Variants in TACR3 observed in about 807,000 individuals in gnomAD.
TACR3 encodes the protein tachykinin receptor 3, also known as neuromedin-K receptor.
TACR3 carries 34 observed loss-of-function variants against 35.0 expected under a neutral mutation model. That is an observed-to-expected ratio of 0.97 (90% CI 0.74 to 1.30). The LOEUF is 1.30. Among genes scored for constraint, TACR3 ranks in the 50% most tolerant of loss-of-function variants. The pLI, the probability that TACR3 is intolerant of heterozygous loss-of-function variation, is 0.00. For synonymous variants in TACR3, 233 were observed against 221.1 expected (o/e 1.05, Z -0.48); for missense variants, 558 against 591.7 (o/e 0.94, Z 0.59).
At chr4:103,642,234 T>C (rs1272755839) in intron 3 of TACR3, among the ~76,000 whole-genome samples, 1 of 150,802 alleles carries the variant, frequency 6.6e-6, no homozygotes, top group Non-Finnish European at 1.5e-5. Context: ...ATAATCACAT[T>C]GTATATATAT....
chr4:103,705,371 T>C (rs1173798941), intron 1 of TACR3, among the ~76,000 whole-genome samples: 3 of 152,122 alleles, frequency 2.0e-5, no homozygotes, highest in Non-Finnish European at 4.4e-5. Flanking sequence ...TTTTCATTCA[T>C]TTATTTACTT....
chr4:103,627,381 G>C (rs1724919663), intron 3 of TACR3, among the ~76,000 whole-genome samples: 1 of 142,760 alleles, frequency 7.0e-6, no homozygotes, highest in African/African-American at 2.7e-5. Flanking sequence ...AAAAAAAGCT[G>C]GGCATGGTGG....
At chr4:103,685,328 T>C (rs75775242) in intron 1 of TACR3, among the ~76,000 whole-genome samples, 115 of 152,270 alleles carry the variant, frequency 7.6e-4, no homozygotes, top group Middle Eastern at 3.4e-3. Flanking sequence ...ATATTTTACA[T>C]TGAGTTCAAG....
intron 3 of TACR3, among the ~76,000 whole-genome samples, chr4:103,616,863 G>C (rs919007901): frequency 4.6e-5 from 7 of 152,126 alleles, no homozygotes; most frequent in Admixed American, 4.6e-4. Flanking sequence ...TGGGCATGTC[G>C]ATTAAGCCCA....
chr4:103,645,246 T>C (rs546963905), intron 3 of TACR3, among the ~76,000 whole-genome samples: 2 of 152,016 alleles, frequency 1.3e-5, no homozygotes, highest in African/African-American at 2.4e-5. Flanking sequence ...AGGAAGACAA[T>C]TGGTAAGCAG....
intron 3 of TACR3, among the ~76,000 whole-genome samples, chr4:103,632,065 C>T (rs1156851303): frequency 1.3e-5 from 2 of 151,934 alleles, no homozygotes; most frequent in Non-Finnish European, 2.9e-5. Context: ...GTGAATACTC[C>T]AAATATTCAC....
intron 3 of TACR3, among the ~76,000 whole-genome samples, chr4:103,628,425 G>C (rs993106492): frequency 2.0e-5 from 3 of 151,976 alleles, no homozygotes; most frequent in African/African-American, 7.3e-5. Context: ...GAAGAAAAGG[G>C]AGAGGAATCA....
intron 3 of TACR3, among the ~76,000 whole-genome samples, chr4:103,608,026 A>G (rs1193184147): frequency 2.0e-5 from 3 of 152,132 alleles, no homozygotes; most frequent in African/African-American, 7.2e-5. Flanking sequence ...ATCTAAATGG[A>G]AAGGTTTAAA....
At chr4:103,624,068 G>A (rs765458332) in intron 3 of TACR3, among the ~76,000 whole-genome samples, 3 of 152,032 alleles carry the variant, frequency 2.0e-5, no homozygotes, top group African/African-American at 4.8e-5. Context: ...ATACTTGATT[G>A]TCTGCCTTTT....
At chr4:103,669,330 G>A (rs1425072322) in intron 1 of TACR3, among the ~76,000 whole-genome samples, 1 of 152,136 alleles carries the variant, frequency 6.6e-6, no homozygotes, top group Non-Finnish European at 1.5e-5. Context: ...TGGGATTGCA[G>A]ATATTCCTTC....
rs745808753 is a variant in TACR3, at chr4:103,719,715, C to A, written c.-40G>T. The stretch of plus-strand genomic sequence containing the variant: ...AGTCCCGGACCCTCCCACTCACCCA[C>A]GGGCAGCCCAAGACGAGACTCCTCT... On this transcript the variant is annotated 5_prime_UTR_variant, in exon 1 of 5. Transcript: ENST00000304883. The A allele has an allele frequency of 6.9e-6, 11 of 1,601,862 alleles. No individual in the cohort carries two copies. The South Asian group carries it at 8.8e-5, about 13-fold the overall frequency.
chr4:103,596,060 T>TG (rs1171218779), intron 3 of TACR3, among the ~76,000 whole-genome samples: 5 of 151,292 alleles, frequency 3.3e-5, no homozygotes, highest in East Asian at 3.9e-4. Flanking sequence ...TTCATCCATG[T>TG]CCCTACAAAG....
At chr4:103,703,613 C>A (rs2110225397) in intron 1 of TACR3, among the ~76,000 whole-genome samples, 1 of 152,122 alleles carries the variant, frequency 6.6e-6, no homozygotes, top group East Asian at 1.9e-4. Context: ...CTGCAAACCC[C>A]AGTTGTCTAA....
rs1360385646 is a variant in TACR3, at chr4:103,586,182, T to C, written c.*3500A>G. ...TACTTTATTCACTACAAACTTTATA[T>C]ACATTTACTTCTTATATAAACAGAT... On this transcript the variant is annotated 3_prime_UTR_variant, in exon 5 of 5. Transcript: ENST00000304883. 1 of 151,950 alleles carries C rather than the reference T, an allele frequency of 6.6e-6. No homozygotes were observed. The highest frequency in any genetic ancestry group is 2.4e-5 in the African/African-American group (1 of 41,396). 9.4% of individuals were successfully genotyped at this position (151,950 alleles called of 1,614,324 possible). A position where few individuals can be genotyped will look rare whatever the true frequency, so the allele number is the denominator to read the frequency against.
chr4:103,682,671 C>A (rs1333878287), intron 1 of TACR3, among the ~76,000 whole-genome samples: 1 of 152,052 alleles, frequency 6.6e-6, no homozygotes, highest in Non-Finnish European at 1.5e-5. Context: ...TCACATCCTG[C>A]AAAAACAGTT....
chr4:103,636,691 C>T lies in TACR3; in HGVS notation c.888+19503G>A, dbSNP rs546799507. Among the ~76,000 whole-genome samples, 20 of 151,720 alleles carry T rather than the reference C, an allele frequency of 1.3e-4. No individual in the cohort carries two copies. The East Asian group carries it at 3.7e-3, about 28-fold the overall frequency. On this transcript the variant is annotated intron_variant, in intron 3 of 4. Coordinates refer to ENST00000304883, the MANE Select transcript of TACR3 (RefSeq NM_001059.3). ...ATCAACAAAATTGATAGACCGCTAG[C>T]AAGACTAATAAAGAAGAAAAGAGAG...
intron 3 of TACR3, among the ~76,000 whole-genome samples, chr4:103,650,800 T>A (rs1367680842): frequency 6.8e-5 from 1 of 14,676 alleles, no homozygotes; most frequent in Non-Finnish European, 9.3e-5. Context: ...TATATATATT[T>A]TATATATAAT....
chr4:103,697,491 C>A (rs1722546926), intron 1 of TACR3, among the ~76,000 whole-genome samples: 1 of 151,998 alleles, frequency 6.6e-6, no homozygotes, highest in African/African-American at 2.4e-5. Context: ...GTGGCGCCAT[C>A]TCGGTTCACT....
chr4:103,676,590 C>T (rs571327444), intron 1 of TACR3, among the ~76,000 whole-genome samples: 84 of 152,180 alleles, frequency 5.5e-4, no homozygotes, highest in African/African-American at 1.9e-3. Context: ...TGATCTTAGA[C>T]AAACCTGATA....
Sources: gnomAD v4.1 joint callset for allele counts (sites outside exome capture counted in the v4.1 genomes callset) on GRCh38, gnomAD v4.1.1 for gene constraint, MANE v1.5 for transcripts, NCBI Gene and HGNC (gene_info 2026-07-23, HGNC 2026-07-21) for gene names.